The following PDS5B variants were observed in gnomAD, a reference collection of about 807,000 sequenced individuals.
PDS5B encodes PDS5 cohesin associated factor B.
PDS5B carries 51 observed loss-of-function variants against 184.1 expected under a neutral mutation model. That is an observed-to-expected ratio of 0.28 (90% CI 0.22 to 0.35). The LOEUF is 0.35. Among genes scored for constraint, PDS5B ranks in the 10% least tolerant of loss-of-function variants. PDS5B has a pLI of 1.00. For missense variants in PDS5B, 1,180 were observed against 1,723.3 expected, an observed-to-expected ratio of 0.68 and a Z score of 5.58; for synonymous variants, 566 against 569.2, an observed-to-expected ratio of 0.99 and a Z score of 0.08.
chr13:32,635,001 CTTTTTTTTTTT>C, intron 1 of PDS5B, among the ~76,000 whole-genome samples: 1 of 129,094 alleles, frequency 7.7e-6, no homozygotes, highest in Admixed American at 8.0e-5. Flanking sequence ...CTTACTGCCT[CTTTTTTTTTTT>C]TTTTTTTTTT....
chr13:32,699,296 A>T (rs548742827), intron 15 of PDS5B, among the ~76,000 whole-genome samples: 2 of 152,302 alleles, frequency 1.3e-5, no homozygotes, highest in East Asian at 3.9e-4. Flanking sequence ...TGTATATGTA[A>T]ACTCTCTGGG....
intron 19 of PDS5B, among the ~76,000 whole-genome samples, chr13:32,727,293 T>A (rs1247317963): frequency 6.6e-6 from 1 of 152,192 alleles, no homozygotes; most frequent in Non-Finnish European, 1.5e-5. Context: ...GTTTTGTTTT[T>A]ATATGTTATA....
In PDS5B at chr13:32,732,087, T is replaced by A. The variant is rs752784982; in HGVS notation, c.2124-14T>A. The A allele has an allele frequency of 6.5e-7, 1 of 1,527,848 alleles. No individual in the cohort carries two copies. Among genetic ancestry groups the A allele is most frequent in the Middle Eastern group, 1.7e-4 (1 of 5,750 alleles). 94.6% of individuals were successfully genotyped at this position (1,527,848 alleles called of 1,614,324 possible). A position where few individuals can be genotyped will look rare whatever the true frequency, so the allele number is the denominator to read the frequency against. On this transcript the variant is annotated splice_polypyrimidine_tract_variant and intron_variant, in intron 19 of 34. Coordinates refer to ENST00000315596, the MANE Select transcript of PDS5B (RefSeq NM_015032.4). ...TTTCTGGTTTATTGTTTTTCTTTGA[T>A]TTTTTTTTAATAGAGCCTTGCTTCC...
Position 32,758,642 on chromosome 13 carries a change from C to G in PDS5B, c.3298C>G (p.Gln1100Glu). Residue 1100 changes from glutamine (Q) to glutamate (E), a missense_variant, in exon 28 of 35, where the codon CAA (glutamine) becomes GAA (glutamate). By Grantham distance (29) the Gln-to-Glu change is conservative. This residue lies in a region of PDS5B where 465 missense variants were observed against 497.8 expected (regional missense o/e 0.93). Transcript: ENST00000315596. ...GGTACTACCAGCTCGTTTCTTCACT[C>G]AACCTGACAAGGTAGTTACTTTACA... ...DPVLPARFFT[Q>E]PDKNFSNTKN... The G allele has an allele frequency of 6.2e-7, 1 of 1,613,546 alleles. No homozygotes were observed. Among genetic ancestry groups the G allele is most frequent in the Non-Finnish European group, 8.5e-7 (1 of 1,179,616 alleles).
In PDS5B at chr13:32,775,899, TTGAA is replaced by T. The variant is rs1314317599; in HGVS notation, c.*851_*854del. 6 of 285,960 alleles carry T rather than the reference TTGAA, an allele frequency of 2.1e-5. No homozygotes were observed. The highest frequency in any genetic ancestry group is 4.5e-5 in the African/African-American group (2 of 44,474). The allele number at this position is 285,960 out of a possible 1,614,324, so 17.7% of individuals were successfully genotyped here. A position where few individuals can be genotyped will look rare whatever the true frequency, so the allele number is the denominator to read the frequency against. On this transcript the variant is annotated 3_prime_UTR_variant, in exon 35 of 35. Transcript: ENST00000315596. ...TACTGTATCAATAAAATTCTGTAAT[TTGAA>T]TGAGTTTTTAATAGTCTAGAATGTT...
At chr13:32,632,911 G>T (rs546545768) in intron 1 of PDS5B, among the ~76,000 whole-genome samples, 72 of 152,074 alleles carry the variant, frequency 4.7e-4, no homozygotes, top group African/African-American at 1.4e-3. Flanking sequence ...AGACCATCCT[G>T]CCCAACATGG....
In PDS5B at chr13:32,651,938, C is replaced by T; in HGVS notation, c.243C>T (p.Ala81=). 2 of 1,613,720 alleles carry T rather than the reference C, an allele frequency of 1.2e-6. No individual in the cohort carries two copies. The highest frequency in any genetic ancestry group is 1.7e-6 in the Non-Finnish European group (2 of 1,179,760). ...HPDKDVRLLV[A]CCLADIFRIY... ...ATAAAGATGTTCGCTTACTGGTAGC[C>T]TGCTGCCTTGCTGATATTTTCAGGA... The change falls in exon 3 of 35, where the codon GCC becomes GCT. Residue 81 remains alanine, a synonymous_variant. Transcript: ENST00000315596.
At chr13:32,688,706 T>C in intron 13 of PDS5B, 137 bp downstream of exon 13, 1 of 620,210 alleles carries the variant, frequency 1.6e-6, no homozygotes, top group Non-Finnish European at 2.9e-6. Flanking sequence ...TATGTCGTAG[T>C]ACTTGGCTAT....
At position 32,753,622 on chromosome 13, in the gene PDS5B, GTTAT is replaced by G. The variant is rs367739344; in HGVS notation, c.2941+92_2941+95del. 4.7e-3 allele frequency: 3,698 copies of G among 790,362 alleles called. 27 individuals are homozygous for G. The highest frequency in any genetic ancestry group is 0.024 in the South Asian group (901 of 37,864). 49.0% of individuals were successfully genotyped at this position (790,362 alleles called of 1,614,324 possible). On this transcript the variant is annotated intron_variant, in intron 25 of 34. Transcript: ENST00000315596. ...ATATAGCATGATATATGATATTACT[GTTAT>G]TTATTATTTGTGATTAACAATTTTT...
In PDS5B at chr13:32,622,919, C is replaced by T. The variant is rs116294752; in HGVS notation, c.-19-25835C>T. On this transcript the variant is annotated intron_variant, in intron 1 of 34. Transcript: ENST00000315596. ...TATTGCAGCAGAGAAAGAGTTTAGTCGCAGGGCAGCTGAGTCAGGGGAATG... is the reference window on the plus strand; with the variant it reads ...TATTGCAGCAGAGAAAGAGTTTAGTTGCAGGGCAGCTGAGTCAGGGGAATG... Among the ~76,000 whole-genome samples, 384 of 152,200 alleles carry T rather than the reference C, an allele frequency of 2.5e-3. 2 individuals carry two copies. Among genetic ancestry groups the T allele is most frequent in the African/African-American group, 8.7e-3 (361 of 41,544 alleles).
At chr13:32,667,903 T>A in intron 7 of PDS5B, 59 bp downstream of exon 7, 1 of 979,878 alleles carries the variant, frequency 1.0e-6, no homozygotes, top group Non-Finnish European at 1.5e-6. Context: ...AAAGACTTGC[T>A]AGAAGCAAAA....
chr13:32,644,380 C>T (rs1950169782), intron 1 of PDS5B, among the ~76,000 whole-genome samples: 1 of 152,124 alleles, frequency 6.6e-6, no homozygotes, highest in African/African-American at 2.4e-5. Flanking sequence ...AGGAACATCT[C>T]TATATTGATG....
chr13:32,654,156 A>G (rs2140676038), intron 3 of PDS5B, among the ~76,000 whole-genome samples: 1 of 152,292 alleles, frequency 6.6e-6, no homozygotes, highest in East Asian at 1.9e-4. Context: ...TAGTACTTAA[A>G]ATTACTGACT....
intron 1 of PDS5B, among the ~76,000 whole-genome samples, chr13:32,590,560 A>G (rs554147263): frequency 2.0e-5 from 3 of 152,180 alleles, no homozygotes; most frequent in South Asian, 2.1e-4. Context: ...ATTAGATCCC[A>G]TAAGGAGAAG....
intron 1 of PDS5B, among the ~76,000 whole-genome samples, chr13:32,634,905 T>C (rs1436564855): frequency 6.6e-6 from 1 of 152,014 alleles, no homozygotes; most frequent in Non-Finnish European, 1.5e-5. Flanking sequence ...TAAGATACTG[T>C]GAAACGTTTT....
chr13:32,768,124 C>T (rs953418937), intron 31 of PDS5B, among the ~76,000 whole-genome samples: 2 of 152,122 alleles, frequency 1.3e-5, no homozygotes, highest in Non-Finnish European at 2.9e-5. Flanking sequence ...TATAAAATAC[C>T]AAATACCACA....
intron 15 of PDS5B, 22 bp downstream of exon 15, chr13:32,696,924 A>G (rs146834060): frequency 7.3e-7 from 1 of 1,366,000 alleles, no homozygotes; most frequent in Admixed American, 2.0e-5. Context: ...TAAAATCTGT[A>G]TAAAAATGTA....
At position 32,648,758 on chromosome 13, in the gene PDS5B, A is replaced by G. The variant is rs1274807704; in HGVS notation, c.-15A>G. On this transcript the variant is annotated 5_prime_UTR_variant, in exon 2 of 35. Transcript: ENST00000315596. ...CTAATAGTTTTCTTGTTTCAGGGGTAGAAATATTTCTGTCATGGCTCATTC... is the reference window on the plus strand; with the variant it reads ...CTAATAGTTTTCTTGTTTCAGGGGTGGAAATATTTCTGTCATGGCTCATTC... 15 of 1,153,408 alleles carry G rather than the reference A, an allele frequency of 1.3e-5. No homozygotes were observed. The highest frequency in any genetic ancestry group is 1.8e-5 in the Non-Finnish European group (14 of 762,774). The allele number at this position is 1,153,408 out of a possible 1,614,324, so 71.4% of individuals were successfully genotyped here. A position where few individuals can be genotyped will look rare whatever the true frequency, so the allele number is the denominator to read the frequency against.
intron 19 of PDS5B, among the ~76,000 whole-genome samples, chr13:32,716,848 G>C (rs1470424066): frequency 7.6e-6 from 1 of 131,002 alleles, no homozygotes; most frequent in Non-Finnish European, 1.7e-5. Context: ...AGGTTGGGGG[G>C]TCAGCCCCCC....
Sources: gnomAD v4.1 joint callset for allele counts (sites outside exome capture counted in the v4.1 genomes callset) on GRCh38, gnomAD v4.1.1 for gene constraint, gnomAD v4.1.1 regional missense constraint, MANE v1.5 for transcripts, NCBI Gene and HGNC (gene_info 2026-07-23, HGNC 2026-07-21) for gene names.